RBFOX1: variants seen among roughly 807,000 people sequenced by gnomAD.
RBFOX1 encodes RNA binding fox-1 homolog 1, also known as RNA binding protein fox-1 homolog 1.
Under a neutral mutation model 57.7 loss-of-function variants are expected in RBFOX1, and 8 were observed. The ratio of observed to expected loss-of-function variants is 0.14; its 90% CI spans 0.08 to 0.25. The LOEUF (loss-of-function observed/expected upper bound fraction) is 0.25. RBFOX1 is among the 10% of genes least tolerant of loss of function. The probability of loss-of-function intolerance (pLI) is 1.00; values close to 1 mark genes in which losing one functional copy is unlikely to be tolerated. For synonymous variants in RBFOX1, 326 were observed against 222.4 expected (o/e 1.47, Z -4.15); for missense variants, 611 against 548.5 (o/e 1.11, Z -1.14).
intron 2 of RBFOX1, among the ~76,000 whole-genome samples, chr16:6,413,959 C>A (rs1215123736): frequency 6.6e-6 from 1 of 152,150 alleles, no homozygotes; most frequent in Non-Finnish European, 1.5e-5. Flanking sequence ...CTGGCCATAT[C>A]TTAAAGGCTG....
At chr16:6,269,622 T>C (rs1288706211) in intron 1 of RBFOX1, among the ~76,000 whole-genome samples, 1 of 152,194 alleles carries the variant, frequency 6.6e-6, no homozygotes, top group Non-Finnish European at 1.5e-5. Flanking sequence ...CAACTCAGAA[T>C]TCTGTATTGA....
At chr16:5,384,168 C>A (rs34818527) in intron 1 of RBFOX1, among the ~76,000 whole-genome samples, 4 of 151,948 alleles carry the variant, frequency 2.6e-5, no homozygotes, top group Non-Finnish European at 4.4e-5. Flanking sequence ...TTCCTGCAGC[C>A]AAGGGTGGTG....
intron 3 of RBFOX1, among the ~76,000 whole-genome samples, chr16:7,011,490 T>C (rs2093650706): frequency 1.3e-5 from 2 of 152,028 alleles, no homozygotes; most frequent in Non-Finnish European, 2.9e-5. Flanking sequence ...TGTTTGTTTG[T>C]TTTTGTTGTG....
rs145622689 is a variant in RBFOX1, at chr16:7,406,927, A to G, written c.28-111220A>G. Among the ~76,000 whole-genome samples, 29 of 152,222 alleles carry G rather than the reference A, an allele frequency of 1.9e-4. No homozygotes were observed. The East Asian group carries it at 4.6e-3, about 24-fold the overall frequency. On this transcript the variant is annotated intron_variant, in intron 4 of 15. Coordinates refer to ENST00000550418, the MANE Select transcript of RBFOX1 (RefSeq NM_018723.4). ...CCCTTCCTCCGTCTCCAATGCTATC[A>G]GTGTAGCATTTTCAAATCTCTCTCT...
chr16:7,335,771 C>A (rs1332604267), intron 4 of RBFOX1, among the ~76,000 whole-genome samples: 2 of 152,164 alleles, frequency 1.3e-5, no homozygotes, highest in Non-Finnish European at 2.9e-5. Context: ...CTGCCCTACC[C>A]TTCCTCCTTT....
intron 1 of RBFOX1, among the ~76,000 whole-genome samples, chr16:6,041,986 C>G (rs920918877): frequency 6.6e-6 from 1 of 152,118 alleles, no homozygotes. Flanking sequence ...CTTACTTGTT[C>G]CAACTTCCTG....
chr16:7,391,477 C>G (rs1044991643), intron 4 of RBFOX1, among the ~76,000 whole-genome samples: 1 of 152,200 alleles, frequency 6.6e-6, no homozygotes, highest in Non-Finnish European at 1.5e-5. Flanking sequence ...TCCTCCCTTT[C>G]TTGCATAGCT....
chr16:7,105,842 C>T (rs1479521883), intron 4 of RBFOX1, among the ~76,000 whole-genome samples: 2 of 151,982 alleles, frequency 1.3e-5, no homozygotes, highest in African/African-American at 4.8e-5. Context: ...GATTGATGGG[C>T]ATTTGCGTTG....
At chr16:7,155,284 G>C (rs912357730) in intron 4 of RBFOX1, among the ~76,000 whole-genome samples, 1 of 151,994 alleles carries the variant, frequency 6.6e-6, no homozygotes, top group African/African-American at 2.4e-5. Context: ...AGCAAGTCTT[G>C]AGAAAGGAAT....
At chr16:6,676,383 C>G (rs978569728) in intron 3 of RBFOX1, among the ~76,000 whole-genome samples, 42 of 152,016 alleles carry the variant, frequency 2.8e-4, no homozygotes, top group South Asian at 1.7e-3. Flanking sequence ...AGCGCCTGCC[C>G]CAGTTGGGTC....
At chr16:5,779,878 G>A (rs2054271849) in intron 3 of RBFOX1, among the ~76,000 whole-genome samples, 1 of 152,156 alleles carries the variant, frequency 6.6e-6, no homozygotes, top group African/African-American at 2.4e-5. Context: ...CTGATCTTCA[G>A]TTTTCTCACT....
intron 1 of RBFOX1, among the ~76,000 whole-genome samples, chr16:6,068,950 G>A (rs934685596): frequency 5.3e-5 from 8 of 152,060 alleles, no homozygotes; most frequent in African/African-American, 1.9e-4. Flanking sequence ...GGGCAAGACA[G>A]CTTTTCTTTT....
intron 2 of RBFOX1, among the ~76,000 whole-genome samples, chr16:6,369,349 A>G (rs2795547): frequency 2.4e-4 from 36 of 152,334 alleles, no homozygotes; most frequent in African/African-American, 8.7e-4. Flanking sequence ...TAGTGTAAAG[A>G]TTGAAAGGAT....
chr16:6,787,414 G>C (rs968683430), intron 3 of RBFOX1, among the ~76,000 whole-genome samples: 1 of 152,132 alleles, frequency 6.6e-6, no homozygotes, highest in Non-Finnish European at 1.5e-5. Flanking sequence ...CAACAATGCC[G>C]TGTGATTTCC....
intron 1 of RBFOX1, among the ~76,000 whole-genome samples, chr16:5,415,358 T>C (rs2067134301): frequency 6.6e-6 from 1 of 152,098 alleles, no homozygotes; most frequent in Non-Finnish European, 1.5e-5. Context: ...GAGAACAGCA[T>C]AGGGAAAACC....
intron 1 of RBFOX1, among the ~76,000 whole-genome samples, chr16:6,302,436 C>A (rs2152744918): frequency 6.6e-6 from 1 of 152,270 alleles, no homozygotes; most frequent in East Asian, 1.9e-4. Context: ...CTTTTGTCTT[C>A]TGGAATTCAC....
At chr16:6,884,875 A>C (rs757093060) in intron 3 of RBFOX1, among the ~76,000 whole-genome samples, 30 of 152,178 alleles carry the variant, frequency 2.0e-4, no homozygotes, top group Admixed American at 2.0e-3. Flanking sequence ...TCCAGCCTGC[A>C]TGGCAGAGCA....
At chr16:6,835,475 G>A (rs1320529388) in intron 3 of RBFOX1, among the ~76,000 whole-genome samples, 12 of 152,122 alleles carry the variant, frequency 7.9e-5, no homozygotes, top group Non-Finnish European at 4.4e-5. Flanking sequence ...CTTCTTGGCC[G>A]GGTGTGGTGG....
At chr16:7,470,587 G>C (rs1164021586) in intron 4 of RBFOX1, among the ~76,000 whole-genome samples, 3 of 151,984 alleles carry the variant, frequency 2.0e-5, no homozygotes, top group African/African-American at 7.3e-5. Context: ...TGGATGGATG[G>C]ATGGGCGGAT....
Sources: allele counts gnomAD v4.1 joint callset (sites outside exome capture counted in the v4.1 genomes callset), GRCh38; gene constraint gnomAD v4.1.1; transcripts MANE v1.5; gene names NCBI Gene and HGNC (gene_info 2026-07-23, HGNC 2026-07-21).